The following PCLO variants were observed in gnomAD, a reference collection of about 807,000 sequenced individuals.
PCLO encodes piccolo presynaptic cytomatrix protein.
A neutral mutation model predicts 427.5 loss-of-function variants in PCLO; 82 were observed. That is an observed-to-expected ratio of 0.19 (90% CI 0.16 to 0.23). The LOEUF (loss-of-function observed/expected upper bound fraction) is 0.23. Ranked by LOEUF, PCLO falls within the 10% of genes least tolerant of loss-of-function variation. PCLO has a pLI of 1.00. For synonymous variants in PCLO, 2,357 were observed against 2,155.4 expected, an observed-to-expected ratio of 1.09 and a Z score of -2.59; for missense variants, 6,239 against 6,115.9, an observed-to-expected ratio of 1.02 and a Z score of -0.67.
At chr7:83,057,005 T>A (rs895229987) in intron 3 of PCLO, among the ~76,000 whole-genome samples, 1 of 152,020 alleles carries the variant, frequency 6.6e-6, no homozygotes. Context: ...AGTACAGAGA[T>A]GTTATGTGCA....
chr7:82,999,276 AAT>A (rs1787716163), intron 3 of PCLO, among the ~76,000 whole-genome samples: 1 of 144,066 alleles, frequency 6.9e-6, no homozygotes, highest in African/African-American at 2.5e-5. Flanking sequence ...TTACATATTA[AAT>A]ATATATGGAT....
At chr7:83,139,576 T>C (rs927438977) in intron 2 of PCLO, among the ~76,000 whole-genome samples, 6 of 152,196 alleles carry the variant, frequency 3.9e-5, no homozygotes, top group Non-Finnish European at 8.8e-5. Context: ...AGCAGATAGT[T>C]AGGAGAGTTA....
chr7:82,890,842 A>G (rs1038501699), intron 9 of PCLO, among the ~76,000 whole-genome samples: 11 of 152,016 alleles, frequency 7.2e-5, no homozygotes, highest in Admixed American at 6.6e-4. Context: ...TGTATTTGGA[A>G]GAAACAGTTA....
chr7:82,986,055 G>C (rs978534769), intron 3 of PCLO, among the ~76,000 whole-genome samples: 1 of 151,598 alleles, frequency 6.6e-6, no homozygotes, highest in African/African-American at 2.4e-5. Flanking sequence ...TTATAATTTA[G>C]GGTAAATCAT....
At chr7:82,848,730 A>G (rs915215251) in intron 10 of PCLO, 1 of 181,154 alleles carries the variant, frequency 5.5e-6, no homozygotes, top group African/African-American at 2.3e-5. Flanking sequence ...AGTTTTGATG[A>G]TTATGATATA....
intron 3 of PCLO, among the ~76,000 whole-genome samples, chr7:83,002,415 ATTGT>A (rs149284712): frequency 0.12 from 18,576 of 151,728 alleles, 1,268 homozygotes; most frequent in Admixed American, 0.16. Flanking sequence ...ATAGTGTGTT[ATTGT>A]TTGTCTTTCA....
Position 83,028,240 on chromosome 7 carries a change from A to T in PCLO, c.3301-61753T>A, listed in dbSNP as rs1788558345. Among the ~76,000 whole-genome samples, 8 of 151,186 alleles carry T rather than the reference A, an allele frequency of 5.3e-5. No individual in the cohort carries two copies. In the South Asian group the frequency reaches 1.7e-3, roughly 31 times the overall value. Reference sequence around the variant, plus strand: ...CTCAGCCCAAAATCTCCTTAAGCTGATAAGCAACTTCAACAAAGTCTCAGG... The same window carrying T: ...CTCAGCCCAAAATCTCCTTAAGCTGTTAAGCAACTTCAACAAAGTCTCAGG... On this transcript the variant is annotated intron_variant, in intron 3 of 24. Transcript: ENST00000333891.
rs146390776 is a variant in PCLO at position 83,042,126 on chromosome 7, G to A, written c.3301-75639C>T. On this transcript the variant is annotated intron_variant, in intron 3 of 24. Coordinates refer to ENST00000333891, the MANE Select transcript of PCLO (RefSeq NM_033026.6). ...TGCATCACTTTCCTCTGATTGAGGA[G>A]TATTAGACAAGGTTAATAATATTAT... Among the ~76,000 whole-genome samples the A allele has an allele frequency of 8.4e-3, 1,284 of 152,120 alleles. 12 individuals are homozygous for A. Among genetic ancestry groups the A allele is most frequent in the Non-Finnish European group, 0.014 (927 of 67,972 alleles).
intron 2 of PCLO, among the ~76,000 whole-genome samples, chr7:83,139,654 T>C (rs1791815787): frequency 6.6e-6 from 1 of 152,184 alleles, no homozygotes; most frequent in Non-Finnish European, 1.5e-5. Context: ...TTTCTCCTAA[T>C]ATACCCTTTG....
In PCLO at chr7:82,916,192, C is replaced by A. The variant is rs560159340; in HGVS notation, c.11794G>T (p.Ala3932Ser). ...ACTTGAGGTGTGAAGGACATTGTTGCCACAGCTTGGAATGTTGGCTGAGTC... is the reference window on the plus strand; with the variant it reads ...ACTTGAGGTGTGAAGGACATTGTTGACACAGCTTGGAATGTTGGCTGAGTC... ...YQTQPTFQAV[A>S]TMSFTPQVQP... The change falls in exon 7 of 25, where the codon GCA (alanine) becomes TCA (serine). Residue 3932 changes from alanine to serine, a missense_variant. Physicochemically the swap from Ala to Ser is moderately conservative, Grantham distance 99. Around this residue, in one of 5 missense-constraint regions of PCLO, gnomAD observed 680 missense variants for 677.3 expected, o/e 1.00. Coordinates refer to ENST00000333891, the MANE Select transcript of PCLO (RefSeq NM_033026.6). The A allele has an allele frequency of 6.2e-7, 1 of 1,613,536 alleles. No individual in the cohort carries two copies. Among genetic ancestry groups the A allele is most frequent in the South Asian group, 1.1e-5 (1 of 91,072 alleles).
At chr7:82,840,967 T>G (rs1792351642) in intron 14 of PCLO, among the ~76,000 whole-genome samples, 1 of 151,602 alleles carries the variant, frequency 6.6e-6, no homozygotes, top group African/African-American at 2.4e-5. Context: ...TATATATTTT[T>G]CTTTATCTAT....
At chr7:82,868,326 G>T in intron 10 of PCLO, 1 of 378,038 alleles carries the variant, frequency 2.6e-6, no homozygotes, top group Non-Finnish European at 5.2e-6. Flanking sequence ...TTCTACCAAA[G>T]ACTTTTTCAT....
intron 3 of PCLO, among the ~76,000 whole-genome samples, chr7:83,093,472 G>GTGTGTGTGTGTATATATATATATT (rs745824155): frequency 1.0e-5 from 1 of 99,196 alleles, no homozygotes; most frequent in Non-Finnish European, 1.9e-5. Flanking sequence ...ATGTGTGTGT[G>GTGTGTGTGTGTATATATATATATT]TATAGATATA....
At chr7:82,988,857 G>A (rs1009041504) in intron 3 of PCLO, among the ~76,000 whole-genome samples, 12 of 149,674 alleles carry the variant, frequency 8.0e-5, no homozygotes, top group Non-Finnish European at 1.5e-4. Flanking sequence ...TCTTTGAGAC[G>A]GAGTTTCGCT....
At chr7:83,081,316 T>C (rs1320379646) in intron 3 of PCLO, among the ~76,000 whole-genome samples, 1 of 151,952 alleles carries the variant, frequency 6.6e-6, no homozygotes, top group African/African-American at 2.4e-5. Context: ...TTAGTGGGAA[T>C]AAAATTAATG....
chr7:82,885,181 G>A (rs748901746), intron 9 of PCLO, among the ~76,000 whole-genome samples: 7 of 152,108 alleles, frequency 4.6e-5, no homozygotes, highest in African/African-American at 9.7e-5. Flanking sequence ...CATCTTAAGA[G>A]GTTAGAGTGA....
At chr7:82,926,041 A>G (rs62458560) in intron 6 of PCLO, among the ~76,000 whole-genome samples, 2,098 of 152,240 alleles carry the variant, frequency 0.014, 17 homozygotes, top group South Asian at 0.04. Context: ...TACAAAAATA[A>G]GAAAGATAAC....
At position 82,768,251 on chromosome 7, in the gene PCLO, C is replaced by G. The variant is rs139547791; in HGVS notation, c.15008-6758G>C. Among the ~76,000 whole-genome samples the G allele has an allele frequency of 7.0e-3, 1,058 of 151,960 alleles. 10 individuals are homozygous for G. The highest frequency in any genetic ancestry group is 0.027 in the South Asian group (131 of 4,806). On this transcript the variant is annotated intron_variant, in intron 22 of 24. Coordinates refer to ENST00000333891, the MANE Select transcript of PCLO (RefSeq NM_033026.6). The stretch of plus-strand genomic sequence containing the variant: ...CAGCCTGGCCAACATGGCAAAAACC[C>G]GTCTTTACTAAAAATACAAAAATTA...
intron 20 of PCLO, among the ~76,000 whole-genome samples, chr7:82,814,051 C>T (rs1197624071): frequency 1.3e-5 from 2 of 151,532 alleles, no homozygotes; most frequent in South Asian, 2.1e-4. Flanking sequence ...AAGATAAGAA[C>T]AAAAAATTTT....
Sources: allele counts gnomAD v4.1 joint callset (sites outside exome capture counted in the v4.1 genomes callset), GRCh38; gene constraint gnomAD v4.1.1; regional missense constraint gnomAD v4.1.1; transcripts MANE v1.5; gene names NCBI Gene and HGNC (gene_info 2026-07-23, HGNC 2026-07-21).